PPARGC1A: variants seen among roughly 807,000 people sequenced by gnomAD.
The protein encoded by PPARGC1A is PPARG coactivator 1 alpha, also known as peroxisome proliferator-activated receptor gamma coactivator 1-alpha.
PPARGC1A carries 25 observed loss-of-function variants against 88.7 expected under a neutral mutation model. The observed-to-expected ratio is 0.28, with a 90% CI of 0.21 to 0.39. The LOEUF (loss-of-function observed/expected upper bound fraction) is 0.39, where lower values mean the gene tolerates loss of function less well. PPARGC1A is among the 10% of genes least tolerant of loss of function. The pLI is 1.00. For missense variants in PPARGC1A, 880 were observed against 968.7 expected, an observed-to-expected ratio of 0.91 and a Z score of 1.22; for synonymous variants, 363 against 355.6, an observed-to-expected ratio of 1.02 and a Z score of -0.24.
At chr4:24,299,225 G>A in the PPARGC1A span, among the ~76,000 whole-genome samples, 1 of 152,260 alleles carries the variant, frequency 6.6e-6, no homozygotes, top group African/African-American at 2.4e-5. Context: ...TTCAGTCACT[G>A]ATTTCCTCAT....
At chr4:23,812,942 G>T in intron 9 of PPARGC1A, 75 bp from the exon 10 acceptor site, 2 of 1,612,092 alleles carry the variant, frequency 1.2e-6, no homozygotes, top group Non-Finnish European at 1.7e-6. Flanking sequence ...TATGGGGAGG[G>T]GTATAGGGTT....
At chr4:23,938,420 T>G in the PPARGC1A span, among the ~76,000 whole-genome samples, 8 of 152,210 alleles carry the variant, frequency 5.3e-5, no homozygotes, top group African/African-American at 1.9e-4. Flanking sequence ...TTATAATACA[T>G]GTCATATGTT....
the PPARGC1A span, among the ~76,000 whole-genome samples, chr4:24,349,895 C>T: frequency 3.3e-5 from 5 of 152,176 alleles, no homozygotes; most frequent in Admixed American, 3.3e-4. Context: ...ACCCCCTGCC[C>T]CTCTGGCCAC....
At chr4:24,243,503 G>A in the PPARGC1A span, among the ~76,000 whole-genome samples, 1 of 152,150 alleles carries the variant, frequency 6.6e-6, no homozygotes, top group Non-Finnish European at 1.5e-5. Flanking sequence ...AACTAGAAAA[G>A]ACTAGAAAGA....
At chr4:23,852,041 T>C (rs1464719692) in intron 2 of PPARGC1A, among the ~76,000 whole-genome samples, 4 of 152,168 alleles carry the variant, frequency 2.6e-5, no homozygotes, top group Non-Finnish European at 5.9e-5. Context: ...TCTAGTTTTC[T>C]CCATCAATTC....
At chr4:23,828,979 C>T (rs567886335) in intron 4 of PPARGC1A, among the ~76,000 whole-genome samples, 88 of 152,290 alleles carry the variant, frequency 5.8e-4, no homozygotes, top group Non-Finnish European at 1.1e-3. Flanking sequence ...TCCGTTTTCA[C>T]TCACAGTGAA....
At chr4:24,436,798 C>T in the PPARGC1A span, among the ~76,000 whole-genome samples, 30 of 144,598 alleles carry the variant, frequency 2.1e-4, no homozygotes, top group Non-Finnish European at 2.8e-4. Context: ...GAGCTGACAT[C>T]GGTTGGCCAC....
At chr4:24,264,646 G>C in the PPARGC1A span, among the ~76,000 whole-genome samples, 2 of 152,358 alleles carry the variant, frequency 1.3e-5, no homozygotes, top group Admixed American at 6.5e-5. Flanking sequence ...TTCAAATGCA[G>C]TAATGCAAGG....
At chr4:24,079,663 C>A in the PPARGC1A span, among the ~76,000 whole-genome samples, 13 of 151,986 alleles carry the variant, frequency 8.6e-5, no homozygotes, top group East Asian at 2.5e-3. Context: ...CCTTCTCATC[C>A]CATGATCAGA....
intron 10 of PPARGC1A, among the ~76,000 whole-genome samples, chr4:23,806,804 T>C (rs1006857460): frequency 1.3e-5 from 2 of 152,168 alleles, no homozygotes; most frequent in African/African-American, 2.4e-5. Flanking sequence ...GAGGAAAACA[T>C]ACAGTGGTTG....
chr4:24,257,565 C>T, the PPARGC1A span, among the ~76,000 whole-genome samples: 1 of 152,164 alleles, frequency 6.6e-6, no homozygotes, highest in East Asian at 1.9e-4. Flanking sequence ...TCCTCCTGCC[C>T]TTTTGCAGCC....
chr4:24,415,125 G>A, the PPARGC1A span, among the ~76,000 whole-genome samples: 2 of 151,954 alleles, frequency 1.3e-5, no homozygotes, highest in Non-Finnish European at 2.9e-5. Flanking sequence ...CAGAGGTAGA[G>A]GTTGCAGTGA....
chr4:23,953,143 C>T, the PPARGC1A span, among the ~76,000 whole-genome samples: 1 of 152,044 alleles, frequency 6.6e-6, no homozygotes, highest in Non-Finnish European at 1.5e-5. Context: ...GAAGGAAACA[C>T]CATATTCTAT....
chr4:24,402,926 T>C, the PPARGC1A span, among the ~76,000 whole-genome samples: 2 of 152,248 alleles, frequency 1.3e-5, no homozygotes, highest in Non-Finnish European at 2.9e-5. Context: ...CAGCCTAGTA[T>C]GATGCCTGGC....
At chr4:24,221,169 C>A in the PPARGC1A span, among the ~76,000 whole-genome samples, 1 of 152,042 alleles carries the variant, frequency 6.6e-6, no homozygotes, top group African/African-American at 2.4e-5. Context: ...GAAAGAGAAA[C>A]AAGAAAAAGA....
chr4:23,842,262 G>A (rs551978112), intron 2 of PPARGC1A, among the ~76,000 whole-genome samples: 1 of 152,104 alleles, frequency 6.6e-6, no homozygotes. Context: ...ATTGCTGGCT[G>A]GCCCAGTGTT....
intron 2 of PPARGC1A, among the ~76,000 whole-genome samples, chr4:23,857,095 G>C (rs1168838952): frequency 1.3e-5 from 2 of 151,992 alleles, no homozygotes; most frequent in Non-Finnish European, 2.9e-5. Context: ...ACACACAAAT[G>C]ATTTCTCAGG....
chr4:24,268,674 GA>G, the PPARGC1A span, among the ~76,000 whole-genome samples: 5 of 152,244 alleles, frequency 3.3e-5, no homozygotes, highest in South Asian at 8.3e-4. Flanking sequence ...TGCATGTCAA[GA>G]GAATCAATCA....
chr4:24,186,443 C>T, the PPARGC1A span, among the ~76,000 whole-genome samples: 1 of 152,058 alleles, frequency 6.6e-6, no homozygotes, highest in Non-Finnish European at 1.5e-5. Context: ...GGTTCAAATC[C>T]ATAATGTGCC....
Sources: allele counts gnomAD v4.1 joint callset (sites outside exome capture counted in the v4.1 genomes callset), GRCh38; gene constraint gnomAD v4.1.1; transcripts MANE v1.5; gene names NCBI Gene and HGNC (gene_info 2026-07-23, HGNC 2026-07-21).